PCCA: variants seen among roughly 807,000 people sequenced by gnomAD.
The protein encoded by PCCA is propionyl-CoA carboxylase subunit alpha, also known as propionyl-CoA carboxylase alpha chain, mitochondrial.
Under a neutral mutation model 101.3 loss-of-function variants are expected in PCCA, and 74 were observed. The ratio of observed to expected loss-of-function variants is 0.73; its 90% confidence interval spans 0.61 to 0.89. The LOEUF (loss-of-function observed/expected upper bound fraction) is 0.89. PCCA is among the 40% of genes least tolerant of loss of function. The probability of loss-of-function intolerance (pLI) is 0.00; values close to 1 mark genes in which losing one functional copy is unlikely to be tolerated. For missense variants in PCCA, 891 were observed against 907.0 expected, an observed-to-expected ratio of 0.98 and a Z score of 0.23; for synonymous variants, 294 against 313.6, an observed-to-expected ratio of 0.94 and a Z score of 0.66.
intron 20 of PCCA, among the ~76,000 whole-genome samples, chr13:100,447,665 T>C (rs1433973583): frequency 7.1e-6 from 1 of 140,446 alleles, no homozygotes; most frequent in Non-Finnish European, 1.5e-5. Context: ...AGAATGAAAC[T>C]CTGTCTCAAA....
At chr13:100,116,667 A>G (rs570394345) in intron 4 of PCCA, among the ~76,000 whole-genome samples, 1 of 152,058 alleles carries the variant, frequency 6.6e-6, no homozygotes, top group Non-Finnish European at 1.5e-5. Context: ...TAACTTTTGC[A>G]TGTCTTTTTG....
intron 20 of PCCA, among the ~76,000 whole-genome samples, chr13:100,438,302 G>T (rs2152912092): frequency 6.6e-6 from 1 of 151,996 alleles, no homozygotes; most frequent in East Asian, 1.9e-4. Context: ...CTGCAGGCCT[G>T]TGCCACCACA....
At chr13:100,379,873 T>G (rs558545715) in intron 19 of PCCA, among the ~76,000 whole-genome samples, 87 of 152,254 alleles carry the variant, frequency 5.7e-4, no homozygotes, top group Non-Finnish European at 1.1e-3. Context: ...GCAATTTGGG[T>G]GGGGACACAC....
intron 21 of PCCA, 114 bp downstream of exon 21, chr13:100,449,419 T>A: frequency 1.6e-6 from 1 of 629,512 alleles, no homozygotes; most frequent in Non-Finnish European, 2.8e-6. Context: ...AAATTACCTC[T>A]ACTTTTTTGC....
chr13:100,422,094 C>CTTTT (rs1179929461), intron 19 of PCCA, among the ~76,000 whole-genome samples: 3 of 132,024 alleles, frequency 2.3e-5, no homozygotes, highest in African/African-American at 9.0e-5. Context: ...TTCTTTCTTT[C>CTTTT]TTTCTTTCTT....
intron 10 of PCCA, among the ~76,000 whole-genome samples, chr13:100,265,853 G>T (rs2062903085): frequency 6.6e-6 from 1 of 152,084 alleles, no homozygotes; most frequent in South Asian, 2.1e-4. Flanking sequence ...AAAAAATAAG[G>T]TGATTTTAGG....
intron 16 of PCCA, among the ~76,000 whole-genome samples, chr13:100,311,270 G>A (rs1316890257): frequency 1.3e-5 from 2 of 151,750 alleles, no homozygotes; most frequent in Non-Finnish European, 2.9e-5. Flanking sequence ...AAATAATTAC[G>A]TGATTTTTGT....
At chr13:100,376,792 C>A (rs2075934348) in intron 19 of PCCA, among the ~76,000 whole-genome samples, 1 of 152,198 alleles carries the variant, frequency 6.6e-6, no homozygotes, top group South Asian at 2.1e-4. Context: ...TTGGCTTCAG[C>A]CCCGTTTCCA....
intron 8 of PCCA, among the ~76,000 whole-genome samples, chr13:100,253,314 G>C (rs1190480631): frequency 6.6e-6 from 1 of 152,180 alleles, no homozygotes; most frequent in East Asian, 1.9e-4. Flanking sequence ...ATGCATGTAT[G>C]TTTGTATATC....
chr13:100,229,652 C>G (rs1001194817), intron 7 of PCCA, among the ~76,000 whole-genome samples: 15 of 152,150 alleles, frequency 9.9e-5, no homozygotes, highest in African/African-American at 3.6e-4. Context: ...ATGTTGTTAG[C>G]CAATTGGGAC....
chr13:100,226,238 AG>A (rs1319640936), intron 7 of PCCA, among the ~76,000 whole-genome samples: 1 of 152,222 alleles, frequency 6.6e-6, no homozygotes, highest in Non-Finnish European at 1.5e-5. Flanking sequence ...GAATAGTTTG[AG>A]GACAGCTTTT....
chr13:100,423,355 C>G (rs1470421499), intron 19 of PCCA, among the ~76,000 whole-genome samples: 3 of 152,204 alleles, frequency 2.0e-5, no homozygotes, highest in Non-Finnish European at 4.4e-5. Flanking sequence ...GAGACATTCT[C>G]TACTTCTCCT....
chr13:100,438,149 T>C (rs1189341888), intron 20 of PCCA, among the ~76,000 whole-genome samples: 1 of 151,978 alleles, frequency 6.6e-6, no homozygotes, highest in Non-Finnish European at 1.5e-5. Flanking sequence ...TAATGTAATT[T>C]ATTTTTTATT....
At chr13:100,093,005 C>G (rs187181855) in intron 1 of PCCA, among the ~76,000 whole-genome samples, 178 of 152,252 alleles carry the variant, frequency 1.2e-3, no homozygotes, top group Non-Finnish European at 8.5e-4. Flanking sequence ...AAAAACTGCT[C>G]TAGTCCTTTT....
intron 21 of PCCA, among the ~76,000 whole-genome samples, chr13:100,494,216 A>G (rs1329415200): frequency 2.6e-5 from 4 of 152,100 alleles, no homozygotes; most frequent in Non-Finnish European, 5.9e-5. Context: ...AAATAAATAA[A>G]GGGCAAACTT....
At chr13:100,221,863 G>C (rs540335425) in intron 7 of PCCA, among the ~76,000 whole-genome samples, 1 of 146,160 alleles carries the variant, frequency 6.8e-6, no homozygotes, top group South Asian at 2.2e-4. Context: ...TCAGCCTCCC[G>C]AGTAATTGGG....
intron 11 of PCCA, among the ~76,000 whole-genome samples, chr13:100,271,196 T>G (rs898509061): frequency 6.6e-6 from 1 of 152,212 alleles, no homozygotes; most frequent in Admixed American, 6.5e-5. Context: ...ATGCTATTAA[T>G]TGTTAGTTGG....
At chr13:100,422,150 T>TG (rs1785495473) in intron 19 of PCCA, among the ~76,000 whole-genome samples, 1 of 147,694 alleles carries the variant, frequency 6.8e-6, no homozygotes, top group Non-Finnish European at 1.5e-5. Flanking sequence ...TTTTTTTTTT[T>TG]TTGACAGCAT....
At chr13:100,410,105 C>A (rs2152868123) in intron 19 of PCCA, among the ~76,000 whole-genome samples, 1 of 152,242 alleles carries the variant, frequency 6.6e-6, no homozygotes, top group East Asian at 1.9e-4. Context: ...GTTTCTATGG[C>A]CAAATTGGTT....
Sources: allele counts gnomAD v4.1 joint callset (sites outside exome capture counted in the v4.1 genomes callset), GRCh38; gene constraint gnomAD v4.1.1; transcripts MANE v1.5; gene names NCBI Gene and HGNC (gene_info 2026-07-23, HGNC 2026-07-21).